Variants in SHQ1 observed in about 807,000 individuals in gnomAD.
SHQ1 encodes the protein SHQ1, H/ACA ribonucleoprotein assembly factor, also known as protein SHQ1 homolog.
A neutral mutation model predicts 53.8 loss-of-function variants in SHQ1; 49 were observed. That is an observed-to-expected ratio of 0.91 (90% CI 0.72 to 1.16). SHQ1 has a LOEUF of 1.16. Among genes scored for constraint, SHQ1 ranks in the 50% most tolerant of loss-of-function variants. The pLI, the probability that SHQ1 is intolerant of heterozygous loss-of-function variation, is 0.00. For missense variants in SHQ1, 738 were observed against 683.1 expected, an observed-to-expected ratio of 1.08 and a Z score of -0.90; for synonymous variants, 243 against 251.0, an observed-to-expected ratio of 0.97 and a Z score of 0.30.
chr3:72,771,650 G>T (rs1185004856), intron 10 of SHQ1, among the ~76,000 whole-genome samples: 1 of 152,194 alleles, frequency 6.6e-6, no homozygotes, highest in Non-Finnish European at 1.5e-5. Flanking sequence ...AAAGGGAGGG[G>T]TTGAGGGACA....
chr3:72,833,523 TGGATGATAGAC>T (rs1286113182), intron 4 of SHQ1, among the ~76,000 whole-genome samples: 192 of 142,008 alleles, frequency 1.4e-3, no homozygotes, highest in African/African-American at 2.5e-3. Context: ...GACAGATAGA[TGGATGATAGAC>T]AGATAGATAG....
chr3:72,747,854 T>A (rs1217715410), downstream of SHQ1, among the ~76,000 whole-genome samples: 2 of 129,674 alleles, frequency 1.5e-5, no homozygotes, highest in South Asian at 4.2e-4. Flanking sequence ...CCAGGTGTGG[T>A]GGTGCATGCC....
chr3:72,791,721 G>C (rs922670131), intron 10 of SHQ1, among the ~76,000 whole-genome samples: 6 of 148,490 alleles, frequency 4.0e-5, no homozygotes, highest in Admixed American at 1.3e-4. Context: ...TTTTTGTTTT[G>C]TTTTTTTTTT....
intron 8 of SHQ1, among the ~76,000 whole-genome samples, chr3:72,813,808 T>TTCAG (rs1707210458): frequency 6.7e-6 from 1 of 148,164 alleles, no homozygotes. Context: ...GTAAAGTATG[T>TTCAG]TCAGTTTCCT....
intron 10 of SHQ1, among the ~76,000 whole-genome samples, chr3:72,759,127 G>A (rs1174441687): frequency 6.6e-6 from 1 of 152,152 alleles, no homozygotes; most frequent in African/African-American, 2.4e-5. Flanking sequence ...AGTTATGGTG[G>A]ATTAAAGGCC....
At chr3:72,780,479 T>C (rs1259050542) in intron 10 of SHQ1, among the ~76,000 whole-genome samples, 1 of 152,220 alleles carries the variant, frequency 6.6e-6, no homozygotes, top group Non-Finnish European at 1.5e-5. Flanking sequence ...AGCATTAGGA[T>C]AATCTAAGGA....
intron 10 of SHQ1, among the ~76,000 whole-genome samples, chr3:72,765,108 A>G (rs1285155797): frequency 3.9e-5 from 6 of 152,184 alleles, no homozygotes; most frequent in Non-Finnish European, 8.8e-5. Flanking sequence ...TTCTTTCCTT[A>G]GCCCCCCTTC....
chr3:72,837,801 T>A (rs1409126727), intron 4 of SHQ1, among the ~76,000 whole-genome samples: 1 of 152,250 alleles, frequency 6.6e-6, no homozygotes, highest in African/African-American at 2.4e-5. Context: ...GAACCACTTG[T>A]TACGGCTGCC....
chr3:72,759,123 G>A (rs1400300042), intron 10 of SHQ1, among the ~76,000 whole-genome samples: 1 of 152,126 alleles, frequency 6.6e-6, no homozygotes, highest in Non-Finnish European at 1.5e-5. Flanking sequence ...TACCAGTTAT[G>A]GTGGATTAAA....
intron 10 of SHQ1, among the ~76,000 whole-genome samples, chr3:72,761,951 T>C (rs527617691): frequency 2.0e-5 from 3 of 152,126 alleles, no homozygotes; most frequent in East Asian, 3.8e-4. Context: ...AAGTCCTCCA[T>C]CAGAATGACT....
At chr3:72,727,935 A>C in the SHQ1 span, among the ~76,000 whole-genome samples, 1 of 152,190 alleles carries the variant, frequency 6.6e-6, no homozygotes, top group Admixed American at 6.5e-5. Flanking sequence ...TACTCTGGCC[A>C]TGAGAGTGCA....
chr3:72,800,713 T>C (rs1213025550), intron 9 of SHQ1, among the ~76,000 whole-genome samples: 1 of 152,250 alleles, frequency 6.6e-6, no homozygotes, highest in Non-Finnish European at 1.5e-5. Flanking sequence ...CCTAGTCAAA[T>C]TGCTCAGTTA....
intron 4 of SHQ1, among the ~76,000 whole-genome samples, chr3:72,839,620 T>G (rs903568296): frequency 6.6e-6 from 1 of 152,188 alleles, no homozygotes; most frequent in East Asian, 1.9e-4. Flanking sequence ...GAGACAAAAC[T>G]TACTTGTGGT....
At chr3:72,745,666 C>G (rs899558808), downstream of SHQ1, among the ~76,000 whole-genome samples, 2 of 152,148 alleles carry the variant, frequency 1.3e-5, no homozygotes, top group African/African-American at 4.8e-5. Context: ...CCCTGTTCAG[C>G]TCTGGGAAGT....
At chr3:72,837,306 CTTA>C (rs1708031888) in intron 4 of SHQ1, among the ~76,000 whole-genome samples, 1 of 152,050 alleles carries the variant, frequency 6.6e-6, no homozygotes, top group African/African-American at 2.4e-5. Flanking sequence ...ATTTTATTTT[CTTA>C]TTATCAGTAT....
rs77201312 is a variant in SHQ1 at position 72,753,660 on chromosome 3, G to A, written c.1182-2824C>T. ...AACTTCCAGAGCGCTTAGAGAAAGGGAGGGGTTTAGGGTAAAGAGGAAAAC... is the reference window on the plus strand; with the variant it reads ...AACTTCCAGAGCGCTTAGAGAAAGGAAGGGGTTTAGGGTAAAGAGGAAAAC... On this transcript the variant is annotated intron_variant, in intron 10 of 10. Coordinates refer to ENST00000325599, the MANE Select transcript of SHQ1 (RefSeq NM_018130.3). 6.6e-3 allele frequency: 6,488 copies of A among 985,242 alleles called. 157 individuals carry two copies. The highest frequency in any genetic ancestry group is 0.059 in the African/African-American group (3,378 of 57,312). The allele number at this position is 985,242 out of a possible 1,614,324, so 61.0% of individuals were successfully genotyped here.
chr3:72,848,275 G>A lies in SHQ1; in HGVS notation c.66C>T (p.Pro22=), dbSNP rs974621795. Residue 22 remains proline (P), a synonymous_variant, in exon 1 of 11, where the codon CCC becomes CCT. Transcript: ENST00000325599. ...PDFLTIAIRV[P]YARVSEFDVY... ...CGTCGAACTCGGAGACCCGGGCGTAGGGCACGCGGATGGCGATAGTCAGGA... is the reference window on the plus strand; with the variant it reads ...CGTCGAACTCGGAGACCCGGGCGTAAGGCACGCGGATGGCGATAGTCAGGA... The A allele has an allele frequency of 6.2e-7, 1 of 1,614,212 alleles. No individual in the cohort carries two copies. The highest frequency in any genetic ancestry group is 8.5e-7 in the Non-Finnish European group (1 of 1,180,038).
chr3:72,767,790 A>G (rs1233109588), intron 10 of SHQ1, among the ~76,000 whole-genome samples: 1 of 152,242 alleles, frequency 6.6e-6, no homozygotes, highest in African/African-American at 2.4e-5. Flanking sequence ...AGGAATACAC[A>G]GTACAACTTA....
intron 1 of SHQ1, chr3:72,846,080 T>C: frequency 1.3e-6 from 1 of 790,730 alleles, no homozygotes; most frequent in South Asian, 1.6e-5. Flanking sequence ...CATGAAATGA[T>C]AATGCAAAGA....
Sources: gnomAD v4.1 joint callset for allele counts (sites outside exome capture counted in the v4.1 genomes callset) on GRCh38, gnomAD v4.1.1 for gene constraint, MANE v1.5 for transcripts, NCBI Gene and HGNC (gene_info 2026-07-23, HGNC 2026-07-21) for gene names.